UBASH3B: variants seen among roughly 807,000 people sequenced by gnomAD.
UBASH3B encodes the protein ubiquitin associated and SH3 domain containing B.
Under a neutral mutation model 83.4 loss-of-function variants are expected in UBASH3B, and 37 were observed. That is an observed-to-expected ratio of 0.44 (90% CI 0.34 to 0.58). UBASH3B has a LOEUF of 0.58. UBASH3B is among the 20% of genes least tolerant of loss of function. The pLI is 0.01. For missense variants in UBASH3B, 657 were observed against 827.2 expected, an observed-to-expected ratio of 0.79 and a Z score of 2.52; for synonymous variants, 304 against 318.3, an observed-to-expected ratio of 0.96 and a Z score of 0.48.
chr11:122,657,878 T>G (rs1226756336), intron 1 of UBASH3B, among the ~76,000 whole-genome samples: 1 of 152,270 alleles, frequency 6.6e-6, no homozygotes, highest in East Asian at 1.9e-4. Flanking sequence ...GGATGATCAA[T>G]GTGCACAGCT....
intron 1 of UBASH3B, among the ~76,000 whole-genome samples, chr11:122,742,675 C>T (rs1861045994): frequency 1.3e-5 from 2 of 152,232 alleles, no homozygotes; most frequent in Non-Finnish European, 2.9e-5. Context: ...ACGAAGGGTT[C>T]CCTCTCAGCT....
chr11:122,715,877 C>T (rs926443046), intron 1 of UBASH3B, among the ~76,000 whole-genome samples: 1 of 152,228 alleles, frequency 6.6e-6, no homozygotes, highest in Non-Finnish European at 1.5e-5. Context: ...AGCACTCCTC[C>T]GCCAAGGACT....
chr11:122,795,826 T>A (rs1333607989), intron 7 of UBASH3B, among the ~76,000 whole-genome samples: 1 of 152,218 alleles, frequency 6.6e-6, no homozygotes, highest in Non-Finnish European at 1.5e-5. Context: ...TCTCTCTACA[T>A]GAATGGCTAG....
chr11:122,773,983 C>CT (rs1860691081), intron 1 of UBASH3B: 1 of 984,796 alleles, frequency 1.0e-6, no homozygotes, highest in South Asian at 4.7e-5. Flanking sequence ...TTTTTGGTGA[C>CT]TTTAATTCCT....
chr11:122,666,172 T>C (rs1863514872), intron 1 of UBASH3B, among the ~76,000 whole-genome samples: 1 of 152,226 alleles, frequency 6.6e-6, no homozygotes, highest in African/African-American at 2.4e-5. Context: ...GTGAACCTTC[T>C]TGGTGATTCA....
intron 11 of UBASH3B, among the ~76,000 whole-genome samples, chr11:122,802,983 C>A (rs953658977): frequency 6.6e-6 from 1 of 152,114 alleles, no homozygotes; most frequent in African/African-American, 2.4e-5. Flanking sequence ...GCCTCCCAAG[C>A]GGCCTTACAA....
intron 4 of UBASH3B, 53 bp from the exon 5 acceptor site, chr11:122,783,000 C>A (rs1860882274): frequency 5.1e-6 from 8 of 1,572,516 alleles, no homozygotes; most frequent in Non-Finnish European, 6.9e-6. Context: ...AAGTCTTCAC[C>A]ATTGCTATCA....
chr11:122,668,916 G>A (rs1863555501), intron 1 of UBASH3B, among the ~76,000 whole-genome samples: 1 of 152,178 alleles, frequency 6.6e-6, no homozygotes, highest in Non-Finnish European at 1.5e-5. Flanking sequence ...AATTCCGTCA[G>A]CGTGAGGAAC....
chr11:122,701,951 TCACGTGATCCTCCTGC>T (rs1864044253), intron 1 of UBASH3B, among the ~76,000 whole-genome samples: 1 of 152,158 alleles, frequency 6.6e-6, no homozygotes, highest in Admixed American at 6.6e-5. Context: ...ACTCCTGGGC[TCACGTGATCCTCCTGC>T]CTCGGCCTCC....
chr11:122,797,664 G>A (rs10892906), intron 9 of UBASH3B, among the ~76,000 whole-genome samples: 74,005 of 151,990 alleles, frequency 0.49, 19,823 homozygotes, highest in African/African-American at 0.71. Context: ...ATAGTGATAT[G>A]CATAGAGCTA....
chr11:122,786,872 T>G (rs2135157580), intron 5 of UBASH3B, among the ~76,000 whole-genome samples: 1 of 152,366 alleles, frequency 6.6e-6, no homozygotes, highest in East Asian at 1.9e-4. Context: ...GTTCATTCAA[T>G]AAATCGAAGC....
At chr11:122,713,079 T>G (rs1864221584) in intron 1 of UBASH3B, among the ~76,000 whole-genome samples, 1 of 151,866 alleles carries the variant, frequency 6.6e-6, no homozygotes, top group East Asian at 1.9e-4. Flanking sequence ...AGCTAATTTT[T>G]TGTATTTTTA....
chr11:122,800,559 A>T (rs1192748828), intron 10 of UBASH3B, among the ~76,000 whole-genome samples: 46 of 151,946 alleles, frequency 3.0e-4, no homozygotes, highest in Admixed American at 2.6e-3. Flanking sequence ...GTATCAAAAA[A>T]AATAATAATA....
intron 6 of UBASH3B, among the ~76,000 whole-genome samples, chr11:122,792,234 G>A (rs946002805): frequency 3.3e-5 from 5 of 151,672 alleles, no homozygotes; most frequent in Non-Finnish European, 5.9e-5. Context: ...GTACAAGAAC[G>A]ATTCTAGGTA....
chr11:122,776,512 A>C (rs912249019), intron 2 of UBASH3B, among the ~76,000 whole-genome samples: 4 of 152,204 alleles, frequency 2.6e-5, no homozygotes, highest in African/African-American at 9.7e-5. Flanking sequence ...CTCTCTCATA[A>C]GATCTGTCCC....
At chr11:122,788,395 C>G (rs2135159932) in intron 5 of UBASH3B, among the ~76,000 whole-genome samples, 1 of 152,132 alleles carries the variant, frequency 6.6e-6, no homozygotes, top group East Asian at 1.9e-4. Context: ...ATGGTGAAAC[C>G]CTGTCTCTAC....
intron 1 of UBASH3B, among the ~76,000 whole-genome samples, chr11:122,689,677 A>C (rs1422425406): frequency 2.0e-5 from 3 of 152,106 alleles, no homozygotes; most frequent in Non-Finnish European, 4.4e-5. Context: ...CCACAGTGGG[A>C]GGGCTCTGGC....
At chr11:122,776,137 G>A (rs368755741) in intron 1 of UBASH3B, 82 bp from the exon 2 acceptor site, 26 of 1,297,022 alleles carry the variant, frequency 2.0e-5, no homozygotes, top group Admixed American at 4.2e-5. Flanking sequence ...CTTTGATGTC[G>A]CCTCCTTCAC....
intron 1 of UBASH3B, among the ~76,000 whole-genome samples, chr11:122,665,492 C>T (rs780646023): frequency 5.3e-5 from 8 of 152,230 alleles, no homozygotes; most frequent in Non-Finnish European, 1.2e-4. Context: ...CTGCGCCCAG[C>T]CTGGACCAGT....
Sources: gnomAD v4.1 joint callset for allele counts (sites outside exome capture counted in the v4.1 genomes callset) on GRCh38, gnomAD v4.1.1 for gene constraint, MANE v1.5 for transcripts, NCBI Gene and HGNC (gene_info 2026-07-23, HGNC 2026-07-21) for gene names.